ZNF704: variants seen among roughly 807,000 people sequenced by gnomAD.
The protein encoded by ZNF704 is glucocorticoid induced gene 1.
A neutral mutation model predicts 44.7 loss-of-function variants in ZNF704; 10 were observed. That is an observed-to-expected ratio of 0.22 (90% CI 0.14 to 0.38). The LOEUF (loss-of-function observed/expected upper bound fraction) is 0.38, where lower values mean the gene tolerates loss of function less well. ZNF704 is among the 10% of genes least tolerant of loss of function. The pLI is 1.00. For synonymous variants in ZNF704, 211 were observed against 207.6 expected (o/e 1.02, Z -0.14); for missense variants, 390 against 545.5 (o/e 0.71, Z 2.84).
intron 2 of ZNF704, among the ~76,000 whole-genome samples, chr8:80,734,315 A>C (rs1806629879): frequency 6.6e-6 from 1 of 152,224 alleles, no homozygotes; most frequent in Non-Finnish European, 1.5e-5. Flanking sequence ...CCCTGGGAAT[A>C]TTTCCACGTT....
chr8:80,644,893 A>C (rs1817802778), intron 7 of ZNF704: 1 of 824,420 alleles, frequency 1.2e-6, no homozygotes, highest in Non-Finnish European at 2.1e-6. Context: ...AAGTAAGGAC[A>C]GCTGTGTAAA....
At chr8:80,667,429 G>A (rs1041663806) in intron 5 of ZNF704, among the ~76,000 whole-genome samples, 1 of 152,232 alleles carries the variant, frequency 6.6e-6, no homozygotes, top group Admixed American at 6.5e-5. Flanking sequence ...CAGGCAAGCA[G>A]TGCAAGGGCT....
chr8:80,648,504 T>C (rs1452187430), intron 7 of ZNF704, among the ~76,000 whole-genome samples: 1 of 152,202 alleles, frequency 6.6e-6, no homozygotes, highest in Non-Finnish European at 1.5e-5. Context: ...CTACCATTTA[T>C]TCAGTGCTTG....
chr8:80,750,558 C>T (rs933822561), intron 2 of ZNF704, among the ~76,000 whole-genome samples: 2 of 151,588 alleles, frequency 1.3e-5, no homozygotes, highest in African/African-American at 4.9e-5. Context: ...TCTTGTTGCC[C>T]AGGCTGGAGT....
At chr8:80,670,148 T>C (rs1328034190) in intron 5 of ZNF704, among the ~76,000 whole-genome samples, 1 of 152,170 alleles carries the variant, frequency 6.6e-6, no homozygotes, top group African/African-American at 2.4e-5. Flanking sequence ...GTTACTCTAG[T>C]GTTTTGTACT....
chr8:80,865,779 C>G (rs1809144985), intron 1 of ZNF704, among the ~76,000 whole-genome samples: 1 of 152,182 alleles, frequency 6.6e-6, no homozygotes, highest in Admixed American at 6.5e-5. Flanking sequence ...CACTCTACTA[C>G]TTCTTTGCTC....
intron 5 of ZNF704, among the ~76,000 whole-genome samples, chr8:80,667,720 CGTT>C (rs963232314): frequency 3.3e-5 from 5 of 152,154 alleles, no homozygotes; most frequent in African/African-American, 1.2e-4. Context: ...ATGGAGCTGA[CGTT>C]GTTGTGGCAC....
chr8:80,686,484 C>T (rs559657945), intron 4 of ZNF704, among the ~76,000 whole-genome samples: 3 of 152,250 alleles, frequency 2.0e-5, no homozygotes, highest in East Asian at 1.9e-4. Context: ...TGGACTAAAG[C>T]GATCCTCCCA....
At chr8:80,719,573 C>G (rs546304550) in intron 2 of ZNF704, among the ~76,000 whole-genome samples, 4 of 152,192 alleles carry the variant, frequency 2.6e-5, no homozygotes, top group Non-Finnish European at 5.9e-5. Flanking sequence ...AGCTGCTACT[C>G]TATTGTAAGC....
chr8:80,823,833 A>T (rs1452788206), intron 1 of ZNF704, among the ~76,000 whole-genome samples: 3 of 152,204 alleles, frequency 2.0e-5, no homozygotes, highest in African/African-American at 7.2e-5. Context: ...CCTCCAGCAA[A>T]CTCCAACAGA....
chr8:80,670,378 T>C, intron 5 of ZNF704, 125 bp downstream of exon 5: 1 of 677,446 alleles, frequency 1.5e-6, no homozygotes, highest in Non-Finnish European at 2.6e-6. Flanking sequence ...CTCTAGAGAT[T>C]AGGAAGACCA....
intron 1 of ZNF704, among the ~76,000 whole-genome samples, chr8:80,853,862 T>C (rs550115424): frequency 3.9e-5 from 6 of 152,118 alleles, no homozygotes; most frequent in Non-Finnish European, 8.8e-5. Context: ...GCTGATGGCC[T>C]GGAAGTCACT....
chr8:80,824,105 T>C (rs997168751), intron 1 of ZNF704, among the ~76,000 whole-genome samples: 2 of 152,110 alleles, frequency 1.3e-5, no homozygotes, highest in Non-Finnish European at 2.9e-5. Flanking sequence ...AGGCTTCAGA[T>C]GATTGGTAGT....
chr8:80,826,764 T>C (rs1384126937), intron 1 of ZNF704, among the ~76,000 whole-genome samples: 1 of 152,112 alleles, frequency 6.6e-6, no homozygotes, highest in African/African-American at 2.4e-5. Flanking sequence ...GCAAGGCTGG[T>C]TCAACATACA....
At chr8:80,704,195 G>A (rs1409480293) in intron 2 of ZNF704, among the ~76,000 whole-genome samples, 2 of 152,146 alleles carry the variant, frequency 1.3e-5, no homozygotes. Flanking sequence ...GTGATTAGCT[G>A]GACTTCTTGA....
intron 2 of ZNF704, among the ~76,000 whole-genome samples, chr8:80,728,013 C>T (rs1389131828): frequency 6.6e-6 from 1 of 152,246 alleles, no homozygotes; most frequent in South Asian, 2.1e-4. Flanking sequence ...GCATGAGTTA[C>T]AGTCTGTGTG....
At chr8:80,719,514 AATGTG>A (rs1445952061) in intron 2 of ZNF704, among the ~76,000 whole-genome samples, 1 of 152,188 alleles carries the variant, frequency 6.6e-6, no homozygotes, top group African/African-American at 2.4e-5. Flanking sequence ...CCCTTTTCAA[AATGTG>A]CACCGGTCAA....
intron 2 of ZNF704, among the ~76,000 whole-genome samples, chr8:80,794,156 T>C (rs1489534474): frequency 2.6e-5 from 4 of 152,096 alleles, no homozygotes; most frequent in African/African-American, 9.6e-5. Flanking sequence ...AAACTATGAA[T>C]AAACGAGATG....
At position 80,629,489 on chromosome 8, in the gene ZNF704, T is replaced by C. The variant is rs528521369; in HGVS notation, c.*11877A>G. The C allele has an allele frequency of 6.6e-6, 1 of 152,216 alleles. No individual in the cohort carries two copies. Among genetic ancestry groups the C allele is most frequent in the East Asian group, 1.9e-4 (1 of 5,182 alleles). The allele number at this position is 152,216 out of a possible 1,614,324, so 9.4% of individuals were successfully genotyped here. A position where few individuals can be genotyped will look rare whatever the true frequency, so the allele number is the denominator to read the frequency against. ...GAGAACCAGAATGACAGAAATGGAG[T>C]TCTTTATTTCCACATTGTCAGATGA... On this transcript the variant is annotated 3_prime_UTR_variant, in exon 9 of 9. Transcript: ENST00000327835.
Sources: allele counts gnomAD v4.1 joint callset (sites outside exome capture counted in the v4.1 genomes callset), GRCh38; gene constraint gnomAD v4.1.1; transcripts MANE v1.5; gene names NCBI Gene and HGNC (gene_info 2026-07-23, HGNC 2026-07-21).